LRRC20: variants seen among roughly 807,000 people sequenced by gnomAD.
The protein encoded by LRRC20 is leucine-rich repeat-containing protein 20.
Under a neutral mutation model 14.4 loss-of-function variants are expected in LRRC20, and 11 were observed. The ratio of observed to expected loss-of-function variants is 0.77; its 90% CI spans 0.48 to 1.27. The LOEUF is 1.27. Ranked by LOEUF, LRRC20 falls within the 50% of genes most tolerant of loss-of-function variation. The pLI is 0.00. For missense variants in LRRC20, 219 were observed against 251.2 expected, an observed-to-expected ratio of 0.87 and a Z score of 0.87; for synonymous variants, 121 against 107.3, an observed-to-expected ratio of 1.13 and a Z score of -0.79.
chr10:70,367,257 G>A (rs1280072176), intron 2 of LRRC20, among the ~76,000 whole-genome samples: 2 of 150,234 alleles, frequency 1.3e-5, no homozygotes, highest in African/African-American at 2.5e-5. Context: ...CCAGGGGGCG[G>A]AGGCTGCAGT....
At chr10:70,353,016 G>A (rs1192387182) in intron 2 of LRRC20, among the ~76,000 whole-genome samples, 3 of 152,216 alleles carry the variant, frequency 2.0e-5, no homozygotes, top group African/African-American at 4.8e-5. Flanking sequence ...CCCGTGAGAG[G>A]AGCAGGACCA....
chr10:70,304,253 CA>C (rs965940047), intron 4 of LRRC20, among the ~76,000 whole-genome samples: 6 of 151,846 alleles, frequency 4.0e-5, no homozygotes, highest in African/African-American at 1.5e-4. Context: ...AGGACGGGGC[CA>C]GACCTCATCC....
intron 4 of LRRC20, among the ~76,000 whole-genome samples, chr10:70,316,420 A>C (rs1475547299): frequency 1.3e-5 from 2 of 152,240 alleles, no homozygotes; most frequent in Admixed American, 1.3e-4. Flanking sequence ...GGCGTGAGCC[A>C]CCGCGCCCGG....
chr10:70,301,710 G>A (rs1841192904), intron 4 of LRRC20, among the ~76,000 whole-genome samples: 2 of 152,176 alleles, frequency 1.3e-5, no homozygotes, highest in Non-Finnish European at 2.9e-5. Context: ...ATGGAGGAAA[G>A]CATCCTTAAA....
At chr10:70,336,115 T>C (rs923379875) in intron 3 of LRRC20, among the ~76,000 whole-genome samples, 7 of 152,180 alleles carry the variant, frequency 4.6e-5, no homozygotes, top group Admixed American at 2.0e-4. Flanking sequence ...CTATCAGGAC[T>C]AAATGACATG....
intron 2 of LRRC20, among the ~76,000 whole-genome samples, chr10:70,360,644 T>A (rs1294958485): frequency 6.6e-6 from 1 of 152,098 alleles, no homozygotes; most frequent in Non-Finnish European, 1.5e-5. Flanking sequence ...GGTCTCACTA[T>A]ATGGCCTAGG....
rs957850871 is a variant in LRRC20 at position 70,301,449 on chromosome 10, T to C, written c.460A>G (p.Asn154Asp). 1 of 1,613,964 alleles carries C rather than the reference T, an allele frequency of 6.2e-7. No individual in the cohort carries two copies. Among genetic ancestry groups the C allele is most frequent in the African/African-American group, 1.3e-5 (1 of 74,940 alleles). The change falls in exon 5 of 5, where the codon AAC becomes GAC. Residue 154 changes from asparagine to aspartate, a missense_variant. By Grantham distance (23) the Asn-to-Asp change is conservative (BLOSUM62 1). Transcript: ENST00000446961. ...PALRSINLRF[N>D]PLNAEVRVIA... is the part of the protein sequence containing the mutation. The stretch of plus-strand genomic sequence containing the variant: ...ACGCGCACCTCGGCGTTGAGTGGGT[T>C]GAAGCGGAGGTTGATGCTGCGCAAG...
At chr10:70,373,601 G>T (rs1009217012) in intron 2 of LRRC20, among the ~76,000 whole-genome samples, 21 of 152,224 alleles carry the variant, frequency 1.4e-4, no homozygotes, top group African/African-American at 4.6e-4. Flanking sequence ...CCAATGCACA[G>T]ATGCAAAGGA....
chr10:70,380,184 G>A, intron 1 of LRRC20, among the ~76,000 whole-genome samples: 1 of 152,174 alleles, frequency 6.6e-6, no homozygotes, highest in South Asian at 2.1e-4. Flanking sequence ...GTGTGGGTCA[G>A]AGTGTACACA....
chr10:70,343,275 A>G (rs1842976771), intron 2 of LRRC20, among the ~76,000 whole-genome samples: 1 of 152,208 alleles, frequency 6.6e-6, no homozygotes, highest in African/African-American at 2.4e-5. Flanking sequence ...CACCCAGAGC[A>G]TAGTACCAGA....
At chr10:70,319,521 C>T (rs1281566659) in intron 4 of LRRC20, among the ~76,000 whole-genome samples, 1 of 152,294 alleles carries the variant, frequency 6.6e-6, no homozygotes, top group East Asian at 1.9e-4. Context: ...AGGACAGCCA[C>T]CCTCCCACTG....
At chr10:70,335,144 G>A (rs1842682115) in intron 3 of LRRC20, among the ~76,000 whole-genome samples, 1 of 152,194 alleles carries the variant, frequency 6.6e-6, no homozygotes, top group Non-Finnish European at 1.5e-5. Context: ...ACAGTGTAAA[G>A]AACACACACT....
intron 3 of LRRC20, among the ~76,000 whole-genome samples, chr10:70,333,421 AT>A (rs1208467906): frequency 6.6e-6 from 1 of 152,054 alleles, no homozygotes; most frequent in Non-Finnish European, 1.5e-5. Context: ...AATTTAACTT[AT>A]TTTTTGTAGC....
intron 2 of LRRC20, among the ~76,000 whole-genome samples, chr10:70,344,157 A>T (rs1843001915): frequency 1.3e-5 from 2 of 152,106 alleles, no homozygotes. Flanking sequence ...GAGCCTCTAC[A>T]CTTCACTGCA....
At chr10:70,306,262 G>A (rs559219387) in intron 4 of LRRC20, among the ~76,000 whole-genome samples, 26 of 152,208 alleles carry the variant, frequency 1.7e-4, no homozygotes, top group Admixed American at 1.2e-3. Context: ...AAGGGTTCCA[G>A]GTATTCACAT....
At chr10:70,303,166 C>T (rs1268760124) in intron 4 of LRRC20, among the ~76,000 whole-genome samples, 1 of 151,916 alleles carries the variant, frequency 6.6e-6, no homozygotes, top group African/African-American at 2.4e-5. Flanking sequence ...TATTAAAAAA[C>T]AAAGACTATT....
chr10:70,301,518 A>T lies in LRRC20; in HGVS notation c.401-10T>A, dbSNP rs1267351579. On this transcript the variant is annotated splice_polypyrimidine_tract_variant and intron_variant, in intron 4 of 4. Transcript: ENST00000446961. ...TTCTCCACGGGCACATCTATTGGGG[A>T]CAGAATGGACAGGTTAGAGTGGTGG... 1 of 1,613,442 alleles carries T rather than the reference A, an allele frequency of 6.2e-7. No individual in the cohort carries two copies. Among genetic ancestry groups the T allele is most frequent in the Admixed American group, 1.7e-5 (1 of 59,984 alleles).
intron 3 of LRRC20, 59 bp downstream of exon 3, chr10:70,340,494 C>G: frequency 6.2e-7 from 1 of 1,603,602 alleles, no homozygotes; most frequent in Non-Finnish European, 8.5e-7. Context: ...CAGACAGGGT[C>G]AGAGCCTGAA....
At chr10:70,329,753 C>T (rs140528664) in intron 3 of LRRC20, among the ~76,000 whole-genome samples, 2,004 of 152,042 alleles carry the variant, frequency 0.013, 50 homozygotes, top group African/African-American at 0.046. Flanking sequence ...TTACTAGAGA[C>T]GGGGTTTCCC....
Sources: allele counts gnomAD v4.1 joint callset (sites outside exome capture counted in the v4.1 genomes callset), GRCh38; gene constraint gnomAD v4.1.1; transcripts MANE v1.5; gene names NCBI Gene and HGNC (gene_info 2026-07-23, HGNC 2026-07-21).